Variants in RELN observed in about 807,000 individuals in gnomAD.
The protein encoded by RELN is reelin.
RELN carries 108 observed loss-of-function variants against 427.6 expected under a neutral mutation model. That is an observed-to-expected ratio of 0.25 (90% CI 0.22 to 0.30). The LOEUF is 0.30. RELN is among the 10% of genes least tolerant of loss of function. The pLI is 1.00. For missense variants in RELN, 3,715 were observed against 4,302.8 expected (o/e 0.86, Z 3.82); for synonymous variants, 1,524 against 1,513.4 (o/e 1.01, Z -0.16).
chr7:103,487,683 T>C (rs1828493796), intron 60 of RELN, among the ~76,000 whole-genome samples: 1 of 152,236 alleles, frequency 6.6e-6, no homozygotes, highest in Non-Finnish European at 1.5e-5. Context: ...TGGGTCTCAG[T>C]AGTGAACTCT....
chr7:103,853,767 T>C (rs1246776190), intron 2 of RELN, among the ~76,000 whole-genome samples: 1 of 152,054 alleles, frequency 6.6e-6, no homozygotes, highest in African/African-American at 2.4e-5. Flanking sequence ...GTTTATTATA[T>C]AATTTGTAGA....
At chr7:103,785,942 ATT>A (rs567498092) in intron 3 of RELN, among the ~76,000 whole-genome samples, 1 of 147,252 alleles carries the variant, frequency 6.8e-6, no homozygotes. Flanking sequence ...TGTAAACTCC[ATT>A]TTTTTTTTTG....
chr7:103,862,370 A>G (rs1197793825), intron 2 of RELN, among the ~76,000 whole-genome samples: 2 of 151,772 alleles, frequency 1.3e-5, no homozygotes, highest in East Asian at 1.9e-4. Context: ...GGTATTGGCC[A>G]TCCTATTATA....
intron 6 of RELN, among the ~76,000 whole-genome samples, chr7:103,731,806 A>G (rs1212859722): frequency 6.6e-6 from 1 of 152,076 alleles, no homozygotes; most frequent in Non-Finnish European, 1.5e-5. Flanking sequence ...TTCATTTTCC[A>G]CTTCTAATGG....
In RELN at chr7:103,535,366, G is replaced by A. The variant is rs1554372988; in HGVS notation, c.7299C>T (p.Asp2433=). 6.2e-7 allele frequency: 1 copy of A among 1,614,070 alleles called. No homozygotes were observed. The highest frequency in any genetic ancestry group is 8.5e-7 in the Non-Finnish European group (1 of 1,179,968). ...TGATTCTAGTCCACTTGTTGAAAGT[G>A]TCTGACACCAGGATCCGTTGCAGAT... ...RYHLQRILVS[D]TFNKWTRITL... is the part of the protein sequence containing the mutation. The change falls in exon 46 of 65, where the codon GAC becomes GAT. Residue 2433 remains aspartate (D), a synonymous_variant. Coordinates refer to ENST00000428762, the MANE Select transcript of RELN (RefSeq NM_005045.4).
At chr7:103,487,466 A>C (rs1562844663) in intron 60 of RELN, among the ~76,000 whole-genome samples, 1 of 151,954 alleles carries the variant, frequency 6.6e-6, no homozygotes, top group Non-Finnish European at 1.5e-5. Context: ...AGTAAAAAAA[A>C]AAAAAAGGCA....
At chr7:103,942,849 T>C (rs1796143510) in intron 1 of RELN, among the ~76,000 whole-genome samples, 2 of 151,782 alleles carry the variant, frequency 1.3e-5, no homozygotes, top group Admixed American at 1.3e-4. Context: ...GAGGTGGAGG[T>C]TGCAGTGAGC....
chr7:103,889,794 G>A (rs911109291), intron 2 of RELN, among the ~76,000 whole-genome samples: 1 of 152,098 alleles, frequency 6.6e-6, no homozygotes, highest in African/African-American at 2.4e-5. Context: ...AGGAAAATAA[G>A]ACACTATAAA....
intron 34 of RELN, among the ~76,000 whole-genome samples, chr7:103,562,206 CAT>C (rs774318649): frequency 5.3e-5 from 8 of 152,162 alleles, no homozygotes; most frequent in East Asian, 1.9e-4. Context: ...TCTACAAACA[CAT>C]GTGTGAAATG....
At chr7:103,747,467 A>T (rs1272620486) in intron 6 of RELN, among the ~76,000 whole-genome samples, 1 of 152,114 alleles carries the variant, frequency 6.6e-6, no homozygotes, top group African/African-American at 2.4e-5. Context: ...TTTACCGCAC[A>T]GAAATAGAGC....
intron 8 of RELN, among the ~76,000 whole-genome samples, chr7:103,721,345 G>A (rs1386021900): frequency 6.6e-6 from 1 of 151,756 alleles, no homozygotes; most frequent in African/African-American, 2.4e-5. Flanking sequence ...AAGTTGGCCT[G>A]ATGGCTACAG....
chr7:103,716,936 T>G (rs1023673896), intron 8 of RELN, among the ~76,000 whole-genome samples: 3 of 152,202 alleles, frequency 2.0e-5, no homozygotes, highest in Non-Finnish European at 2.9e-5. Flanking sequence ...GAATTTCTTC[T>G]CATCCTGTAG....
chr7:103,953,442 T>C lies in RELN; in HGVS notation c.226+35689A>G, dbSNP rs953047026. On this transcript the variant is annotated intron_variant, in intron 1 of 64. Coordinates refer to ENST00000428762, the MANE Select transcript of RELN (RefSeq NM_005045.4). The surrounding 1 kb of genome is among the most constrained non-coding windows in gnomAD (Gnocchi z 4.3). Reference sequence around the variant, plus strand: ...CATTCAGTTTTCTTTGTAGCTTCATTGAAAGCAGTTCTAATGTGCTCTTGA... The same window carrying C: ...CATTCAGTTTTCTTTGTAGCTTCATCGAAAGCAGTTCTAATGTGCTCTTGA... 6.6e-6 allele frequency among the ~76,000 whole-genome samples: 1 copy of C among 152,212 alleles called. No homozygotes were observed. The highest frequency in any genetic ancestry group is 1.5e-5 in the Non-Finnish European group (1 of 68,040).
intron 22 of RELN, among the ~76,000 whole-genome samples, chr7:103,610,233 G>A (rs1051364154): frequency 3.3e-5 from 5 of 152,050 alleles, no homozygotes; most frequent in African/African-American, 7.2e-5. Flanking sequence ...GTTTCCTGGG[G>A]GATAATTTTT....
intron 4 of RELN, among the ~76,000 whole-genome samples, chr7:103,770,154 G>A (rs1000398890): frequency 3.9e-5 from 6 of 151,928 alleles, no homozygotes; most frequent in African/African-American, 9.7e-5. Context: ...GCATGATTTC[G>A]GCTCACTGCT....
intron 11 of RELN, among the ~76,000 whole-genome samples, chr7:103,667,149 G>T (rs113446920): frequency 2.3e-4 from 35 of 152,286 alleles, no homozygotes; most frequent in African/African-American, 8.2e-4. Context: ...CAGAGGAAAA[G>T]GAATTGCATG....
chr7:103,500,674 C>T lies in RELN; in HGVS notation c.8667+71G>A, dbSNP rs186206325. On this transcript the variant is annotated intron_variant, in intron 53 of 64. Coordinates refer to ENST00000428762, the MANE Select transcript of RELN (RefSeq NM_005045.4). ...AAGGACATTGTTATAGATTATGTCT[C>T]ATACATAAGTTGGTTCCTAGGCATG... The T allele has an allele frequency of 4.1e-6, 6 of 1,469,222 alleles. No individual in the cohort carries two copies. The African/African-American group carries it at 8.3e-5, about 20-fold the overall frequency. 91.0% of individuals were successfully genotyped at this position (1,469,222 alleles called of 1,614,324 possible). A position where few individuals can be genotyped will look rare whatever the true frequency, so the allele number is the denominator to read the frequency against.
chr7:103,545,596 T>C (rs573869491), intron 41 of RELN, among the ~76,000 whole-genome samples: 11 of 152,190 alleles, frequency 7.2e-5, no homozygotes, highest in Non-Finnish European at 1.5e-4. Flanking sequence ...TCCCATCTTT[T>C]TCAATATTGA....
chr7:103,767,994 C>T (rs777540962), intron 4 of RELN, among the ~76,000 whole-genome samples: 8 of 152,140 alleles, frequency 5.3e-5, no homozygotes, highest in African/African-American at 9.7e-5. Context: ...CACGTTTAGT[C>T]ATTTCTGATG....
Sources: gnomAD v4.1 joint callset for allele counts (sites outside exome capture counted in the v4.1 genomes callset) on GRCh38, gnomAD v4.1.1 for gene constraint, Gnocchi (gnomAD v3.1) non-coding constraint, MANE v1.5 for transcripts, NCBI Gene and HGNC (gene_info 2026-07-23, HGNC 2026-07-21) for gene names.